Variants in TNR observed in about 807,000 individuals in gnomAD.
TNR encodes the protein tenascin R.
Under a neutral mutation model 150.4 loss-of-function variants are expected in TNR, and 45 were observed. The observed-to-expected ratio is 0.30, with a 90% CI of 0.24 to 0.38. TNR has a LOEUF of 0.38. TNR is among the 10% of genes least tolerant of loss of function. The pLI is 1.00. For synonymous variants in TNR, 687 were observed against 678.4 expected (o/e 1.01, Z -0.20); for missense variants, 1,544 against 1,759.1 (o/e 0.88, Z 2.19).
At chr1:175,568,854 A>G (rs550313235) in intron 1 of TNR, among the ~76,000 whole-genome samples, 56 of 152,218 alleles carry the variant, frequency 3.7e-4, no homozygotes, top group Non-Finnish European at 7.2e-4. Flanking sequence ...CACTCTCTTC[A>G]GTGCAGACTG....
intron 2 of TNR, among the ~76,000 whole-genome samples, chr1:175,421,150 G>A (rs1485254183): frequency 2.0e-5 from 3 of 152,146 alleles, no homozygotes; most frequent in African/African-American, 2.4e-5. Flanking sequence ...AGCTGAGGGC[G>A]AGATGAGAGT....
chr1:175,732,189 C>T (rs1667660733), intron 1 of TNR, among the ~76,000 whole-genome samples: 1 of 152,228 alleles, frequency 6.6e-6, no homozygotes, highest in Non-Finnish European at 1.5e-5. Context: ...CTGTATCTGC[C>T]TTCCATATTC....
intron 1 of TNR, among the ~76,000 whole-genome samples, chr1:175,583,901 G>A (rs1173886492): frequency 6.6e-6 from 1 of 152,122 alleles, no homozygotes; most frequent in Non-Finnish European, 1.5e-5. Context: ...CATAAGACAG[G>A]CCAGCTCACC....
intron 3 of TNR, among the ~76,000 whole-genome samples, chr1:175,405,252 C>T (rs900635406): frequency 2.0e-5 from 3 of 152,210 alleles, no homozygotes; most frequent in African/African-American, 4.8e-5. Flanking sequence ...GTTGCTTATA[C>T]GTTACTTACA....
chr1:175,668,422 C>T (rs2101901135), intron 1 of TNR, among the ~76,000 whole-genome samples: 1 of 152,244 alleles, frequency 6.6e-6, no homozygotes, highest in African/African-American at 2.4e-5. Context: ...CACCGCAACC[C>T]ATGCCTGCAA....
intron 21 of TNR, among the ~76,000 whole-genome samples, chr1:175,326,720 T>C (rs1649416190): frequency 6.6e-6 from 1 of 152,150 alleles, no homozygotes. Context: ...CAGGCTGGAG[T>C]GCAATGGCAC....
intron 2 of TNR, among the ~76,000 whole-genome samples, chr1:175,512,654 G>A (rs1659238491): frequency 1.3e-5 from 2 of 152,168 alleles, no homozygotes; most frequent in Admixed American, 1.3e-4. Context: ...GTGTCCAGAG[G>A]AAAAGCACCT....
chr1:175,651,855 A>T (rs948000686), intron 1 of TNR, among the ~76,000 whole-genome samples: 1 of 151,692 alleles, frequency 6.6e-6, no homozygotes, highest in African/African-American at 2.4e-5. Flanking sequence ...AACAGTTATG[A>T]AATCGTAACC....
In TNR at chr1:175,628,993, G is replaced by T. The variant is rs79886041; in HGVS notation, c.-164-100624C>A. Among the ~76,000 whole-genome samples the T allele has an allele frequency of 6.0e-3, 912 of 152,266 alleles. 4 individuals carry two copies. The highest frequency in any genetic ancestry group is 8.7e-3 in the Non-Finnish European group (590 of 68,020). ...GTGCTCTGAGAGTGTGATCCTATCAGGGCTGGAGTGTAATAGCCCCATTGG... is the reference window on the plus strand; with the variant it reads ...GTGCTCTGAGAGTGTGATCCTATCATGGCTGGAGTGTAATAGCCCCATTGG... On this transcript the variant is annotated intron_variant, in intron 1 of 22. Transcript: ENST00000367674.
At chr1:175,325,959 T>A (rs1316160838) in intron 21 of TNR, among the ~76,000 whole-genome samples, 1 of 152,122 alleles carries the variant, frequency 6.6e-6, no homozygotes, top group Non-Finnish European at 1.5e-5. Flanking sequence ...ATGGCACATG[T>A]ATACATATGT....
chr1:175,353,612 A>T (rs538252349), intron 18 of TNR, among the ~76,000 whole-genome samples: 2 of 152,316 alleles, frequency 1.3e-5, no homozygotes, highest in South Asian at 4.1e-4. Flanking sequence ...AATGGGGATC[A>T]TAGGCCTTCC....
intron 2 of TNR, among the ~76,000 whole-genome samples, chr1:175,408,708 T>C (rs1055093466): frequency 2.6e-5 from 4 of 152,176 alleles, no homozygotes; most frequent in Non-Finnish European, 4.4e-5. Context: ...TCTTACAAGG[T>C]TGGAGGGCTA....
chr1:175,621,371 A>G (rs527737574), intron 1 of TNR, among the ~76,000 whole-genome samples: 4 of 152,146 alleles, frequency 2.6e-5, no homozygotes, highest in African/African-American at 9.6e-5. Flanking sequence ...ACCTGGCCCC[A>G]TCTGACCCTC....
intron 1 of TNR, among the ~76,000 whole-genome samples, chr1:175,674,004 A>G (rs904568395): frequency 6.6e-6 from 1 of 152,218 alleles, no homozygotes; most frequent in African/African-American, 2.4e-5. Flanking sequence ...AGGGCCCAGC[A>G]CTGTGGAATA....
At position 175,735,171 on chromosome 1, in the gene TNR, G is replaced by A. The variant is rs115420395; in HGVS notation, c.-165+8055C>T. Among the ~76,000 whole-genome samples the A allele has an allele frequency of 2.9e-3, 441 of 152,240 alleles. 1 individual carries two copies. The highest frequency in any genetic ancestry group is 0.01 in the African/African-American group (424 of 41,544). ...GCAGGGCTTTCATCTGGTGTTCAGG[G>A]CCCTGTCTGTCTGCCCAGCTGGACA... On this transcript the variant is annotated intron_variant, in intron 1 of 22. Transcript: ENST00000367674.
intron 20 of TNR, among the ~76,000 whole-genome samples, chr1:175,331,007 T>TTCTTTCTTTCTTTCTTTC (rs1649732921): frequency 2.4e-5 from 1 of 42,116 alleles, no homozygotes; most frequent in Non-Finnish European, 4.7e-5. Context: ...GATTCTTTCT[T>TTCTTTCTTTCTTTCTTTC]TCTTTCTTTC....
At chr1:175,696,003 TGGATGGATGGAC>T (rs1437658240) in intron 1 of TNR, among the ~76,000 whole-genome samples, 1 of 151,836 alleles carries the variant, frequency 6.6e-6, no homozygotes, top group Non-Finnish European at 1.5e-5. Context: ...GATGGATGGA[TGGATGGATGGAC>T]AGATAGATTA....
intron 1 of TNR, among the ~76,000 whole-genome samples, chr1:175,621,036 C>T (rs1663956286): frequency 6.6e-6 from 1 of 152,160 alleles, no homozygotes; most frequent in Non-Finnish European, 1.5e-5. Context: ...ACCACGCACC[C>T]CTCTTCCCTT....
At chr1:175,615,338 A>C (rs911209321) in intron 1 of TNR, among the ~76,000 whole-genome samples, 1 of 152,220 alleles carries the variant, frequency 6.6e-6, no homozygotes, top group Non-Finnish European at 1.5e-5. Context: ...CCTGGACTTC[A>C]GTCTGGGCAG....
Sources: gnomAD v4.1 joint callset for allele counts (sites outside exome capture counted in the v4.1 genomes callset) on GRCh38, gnomAD v4.1.1 for gene constraint, MANE v1.5 for transcripts, NCBI Gene and HGNC (gene_info 2026-07-23, HGNC 2026-07-21) for gene names.